Variants in SYT16 observed in about 807,000 individuals in gnomAD.
SYT16 encodes the protein synaptotagmin 16.
In SYT16, 42 loss-of-function variants were observed where a neutral mutation model predicts 61.4. That is an observed-to-expected ratio of 0.68 (90% CI 0.53 to 0.89). The LOEUF (loss-of-function observed/expected upper bound fraction) is 0.89, where lower values mean the gene tolerates loss of function less well. Among genes scored for constraint, SYT16 ranks in the 40% least tolerant of loss-of-function variants. The probability of loss-of-function intolerance (pLI) is 0.00; values close to 1 mark genes in which losing one functional copy is unlikely to be tolerated. For missense variants in SYT16, 804 were observed against 807.3 expected (o/e 1.00, Z 0.05); for synonymous variants, 314 against 302.3 (o/e 1.04, Z -0.40).
rs973695003 is a variant in SYT16, at chr14:62,054,886, A to G, written c.524-14717A>G. 4.6e-5 allele frequency among the ~76,000 whole-genome samples: 7 copies of G among 152,208 alleles called. No individual in the cohort carries two copies. In the East Asian group the frequency reaches 5.8e-4, roughly 13 times the overall value. ...ACTAGTGAATAAACTGAACAGCTAGAAAGCTAGAAACTCACAACACCTGAA... is the reference window on the plus strand; with the variant it reads ...ACTAGTGAATAAACTGAACAGCTAGGAAGCTAGAAACTCACAACACCTGAA... On this transcript the variant is annotated intron_variant, in intron 3 of 7. Coordinates refer to ENST00000683842, the MANE Select transcript of SYT16 (RefSeq NM_001367656.1).
chr14:61,999,853 A>G (rs1370712980), intron 3 of SYT16, among the ~76,000 whole-genome samples: 1 of 151,708 alleles, frequency 6.6e-6, no homozygotes, highest in Non-Finnish European at 1.5e-5. Context: ...AAATATTGGG[A>G]ATATTCTATA....
Position 62,101,047 on chromosome 14 carries a change from G to T in SYT16, c.*340G>T, listed in dbSNP as rs530025035. 5.2e-6 allele frequency: 1 copy of T among 193,038 alleles called. No homozygotes were observed. Among genetic ancestry groups the T allele is most frequent in the African/African-American group, 2.3e-5 (1 of 42,766 alleles). 12.0% of individuals were successfully genotyped at this position (193,038 alleles called of 1,614,324 possible). A position where few individuals can be genotyped will look rare whatever the true frequency, so the allele number is the denominator to read the frequency against. ...TCTCTGTTTGCTTGAAGAGTAACCT[G>T]AGATTGCAAGGGAGCTGTTAATTGT... On this transcript the variant is annotated 3_prime_UTR_variant, in exon 8 of 8. Coordinates refer to ENST00000683842, the MANE Select transcript of SYT16 (RefSeq NM_001367656.1).
rs78582903 is a variant in SYT16, at chr14:61,973,972, G to A, written c.-145+3661G>A. On this transcript the variant is annotated intron_variant, in intron 2 of 7. Coordinates refer to ENST00000683842, the MANE Select transcript of SYT16 (RefSeq NM_001367656.1). ...AAGAAGGTTGGAATTCAACACGCCC[G>A]AAGAAGAGTCAGAAAGGAGAGTGCC... 4.3e-3 allele frequency among the ~76,000 whole-genome samples: 655 copies of A among 152,288 alleles called. 6 individuals are homozygous for A. Among genetic ancestry groups the A allele is most frequent in the African/African-American group, 0.015 (634 of 41,558 alleles).
intron 3 of SYT16, among the ~76,000 whole-genome samples, chr14:62,021,506 C>G (rs969495673): frequency 6.6e-6 from 1 of 151,082 alleles, no homozygotes; most frequent in East Asian, 1.9e-4. Flanking sequence ...TTTCCTGTTC[C>G]CTTTCCCCAG....
intron 1 of SYT16, among the ~76,000 whole-genome samples, chr14:61,886,943 T>C (rs1021180494): frequency 1.1e-4 from 16 of 150,860 alleles, no homozygotes; most frequent in African/African-American, 3.7e-4. Context: ...CTTGCTATAT[T>C]GCCCAGGCAG....
intron 1 of SYT16, among the ~76,000 whole-genome samples, chr14:61,883,630 A>G (rs1473861764): frequency 1.3e-5 from 2 of 152,154 alleles, no homozygotes; most frequent in Non-Finnish European, 2.9e-5. Flanking sequence ...AAACTGTTCC[A>G]TCCTATGCCT....
At chr14:61,871,712 G>A (rs2047338087) in intron 1 of SYT16, among the ~76,000 whole-genome samples, 1 of 152,100 alleles carries the variant, frequency 6.6e-6, no homozygotes, top group African/African-American at 2.4e-5. Flanking sequence ...ATCAGAGCTG[G>A]ATTCCTTAAC....
At chr14:62,031,609 A>G (rs770237277) in intron 3 of SYT16, among the ~76,000 whole-genome samples, 1 of 152,190 alleles carries the variant, frequency 6.6e-6, no homozygotes, top group Non-Finnish European at 1.5e-5. Flanking sequence ...ATTACTGTCG[A>G]GGAAACTGAG....
At chr14:61,825,528 C>A (rs1405656345) in intron 1 of SYT16, among the ~76,000 whole-genome samples, 1 of 152,076 alleles carries the variant, frequency 6.6e-6, no homozygotes, top group East Asian at 1.9e-4. Flanking sequence ...AAAAAGAATA[C>A]AAAAATTAGC....
chr14:61,911,801 C>T (rs1011481227), intron 1 of SYT16, among the ~76,000 whole-genome samples: 10 of 152,252 alleles, frequency 6.6e-5, no homozygotes, highest in Admixed American at 2.6e-4. Context: ...GAACTGGAAG[C>T]AAATTATGGT....
chr14:61,977,506 AT>A (rs2051865159), intron 2 of SYT16, among the ~76,000 whole-genome samples: 1 of 152,280 alleles, frequency 6.6e-6, no homozygotes, highest in South Asian at 2.1e-4. Context: ...CAAAGGGGGA[AT>A]AGCTCCTTAT....
At chr14:61,937,918 A>G (rs1031894970) in intron 1 of SYT16, among the ~76,000 whole-genome samples, 1 of 152,094 alleles carries the variant, frequency 6.6e-6, no homozygotes, top group Non-Finnish European at 1.5e-5. Context: ...TATAAGGGTC[A>G]AAATGGCATA....
chr14:61,885,990 A>G (rs1188245049), intron 1 of SYT16, among the ~76,000 whole-genome samples: 2 of 141,342 alleles, frequency 1.4e-5, no homozygotes, highest in Admixed American at 7.2e-5. Flanking sequence ...TTGGAGACAG[A>G]GTCTTGCTCT....
chr14:61,879,962 T>A (rs2047638881), intron 1 of SYT16, among the ~76,000 whole-genome samples: 1 of 152,202 alleles, frequency 6.6e-6, no homozygotes, highest in African/African-American at 2.4e-5. Flanking sequence ...CTGACTATGT[T>A]GCTTCCAAAT....
intron 1 of SYT16, among the ~76,000 whole-genome samples, chr14:61,967,404 G>T (rs1172710694): frequency 6.6e-6 from 1 of 152,166 alleles, no homozygotes; most frequent in Non-Finnish European, 1.5e-5. Flanking sequence ...GGTGACTTAA[G>T]ACAACAGAAA....
At position 61,909,051 on chromosome 14, in the gene SYT16, C is replaced by T. The variant is rs557123698; in HGVS notation, c.-324-61081C>T. On this transcript the variant is annotated intron_variant, in intron 1 of 7. Coordinates refer to ENST00000683842, the MANE Select transcript of SYT16 (RefSeq NM_001367656.1). The stretch of plus-strand genomic sequence containing the variant: ...ATTGTCCAGGCTGGTCTTGAACTCC[C>T]AGTCTCCCAAAGTGCTGGGATTACA... Among the ~76,000 whole-genome samples the T allele has an allele frequency of 2.0e-4, 30 of 152,228 alleles. No individual in the cohort carries two copies. In the South Asian group the frequency reaches 5.8e-3, roughly 29 times the overall value.
At chr14:62,031,898 G>A (rs1016072987) in intron 3 of SYT16, among the ~76,000 whole-genome samples, 2 of 152,112 alleles carry the variant, frequency 1.3e-5, no homozygotes, top group African/African-American at 4.8e-5. Context: ...CGATAAGGGA[G>A]GGCCTATACA....
intron 1 of SYT16, among the ~76,000 whole-genome samples, chr14:61,941,695 T>TG (rs1376603693): frequency 2.0e-4 from 30 of 152,150 alleles, no homozygotes; most frequent in Non-Finnish European, 4.0e-4. Flanking sequence ...GCAGCTCCCT[T>TG]TAGTACTTCC....
chr14:62,090,107 T>C (rs1168047734), intron 7 of SYT16, among the ~76,000 whole-genome samples: 1 of 152,198 alleles, frequency 6.6e-6, no homozygotes, highest in African/African-American at 2.4e-5. Flanking sequence ...TTCAAAAAAG[T>C]TAGGTATTGT....
Sources: gnomAD v4.1 joint callset for allele counts (sites outside exome capture counted in the v4.1 genomes callset) on GRCh38, gnomAD v4.1.1 for gene constraint, MANE v1.5 for transcripts, NCBI Gene and HGNC (gene_info 2026-07-23, HGNC 2026-07-21) for gene names.